Variants in PLEKHH2 observed in about 807,000 individuals in gnomAD.
The protein encoded by PLEKHH2 is pleckstrin homology, MyTH4 and FERM domain containing H2.
PLEKHH2 carries 129 observed loss-of-function variants against 187.9 expected under a neutral mutation model. That is an observed-to-expected ratio of 0.69 (90% CI 0.59 to 0.79). PLEKHH2 has a LOEUF of 0.79. Ranked by LOEUF, PLEKHH2 falls within the 30% of genes least tolerant of loss-of-function variation. The pLI, the probability that PLEKHH2 is intolerant of heterozygous loss-of-function variation, is 0.00. For synonymous variants in PLEKHH2, 686 were observed against 605.6 expected (o/e 1.13, Z -1.95); for missense variants, 2,076 against 1,751.2 (o/e 1.19, Z -3.31).
At chr2:43,657,257 G>T (rs1291654218) in intron 2 of PLEKHH2, among the ~76,000 whole-genome samples, 3 of 152,144 alleles carry the variant, frequency 2.0e-5, no homozygotes, top group Non-Finnish European at 4.4e-5. Flanking sequence ...TAGGTCTCCT[G>T]GCCTCCCATC....
rs745973897 is a variant in PLEKHH2, at chr2:43,706,333, A to C, written c.1738A>C (p.Thr580Pro). ...TTTTTCTGTTTCAGATTCTGCTGCA[A>C]CCCTTTCCTATACTACATCAGGACT... ...MESVNKNSAA[T>P]LSYTTSGLYT... The change falls in exon 10 of 30, where the codon ACC becomes CCC. Residue 580 changes from threonine to proline, a missense_variant. By Grantham distance (38) the Thr-to-Pro change is conservative. Transcript: ENST00000282406. 1 of 1,605,758 alleles carries C rather than the reference A, an allele frequency of 6.2e-7. No individual in the cohort carries two copies. Among genetic ancestry groups the C allele is most frequent in the South Asian group, 1.1e-5 (1 of 90,598 alleles).
chr2:43,656,863 C>CA (rs1666796114), intron 2 of PLEKHH2, among the ~76,000 whole-genome samples: 1 of 151,864 alleles, frequency 6.6e-6, no homozygotes, highest in South Asian at 2.1e-4. Flanking sequence ...ACTAAAAATA[C>CA]AAAAAATTAG....
Position 43,692,657 on chromosome 2 carries a change from A to G in PLEKHH2, c.330A>G (p.Glu110=). Reference sequence around the variant, plus strand: ...TTCAAAACTTGGAATTGCAACTTGAAGAGCAGGTTAGGAAGAATTTGATAA... The same window carrying G: ...TTCAAAACTTGGAATTGCAACTTGAGGAGCAGGTTAGGAAGAATTTGATAA... The part of the protein sequence containing the change: ...DVIQNLELQL[E]EQKQIRIQEA... The change falls in exon 4 of 30, where the codon GAA becomes GAG. Residue 110 remains glutamate (E), a synonymous_variant. Coordinates refer to ENST00000282406, the MANE Select transcript of PLEKHH2 (RefSeq NM_172069.4). The G allele has an allele frequency of 1.2e-6, 2 of 1,613,022 alleles. No homozygotes were observed. The highest frequency in any genetic ancestry group is 2.2e-5 in the East Asian group (1 of 44,770).
rs188934837 is a variant in PLEKHH2, at chr2:43,743,174, A to G, written c.3399+256A>G. Among the ~76,000 whole-genome samples, 129 of 152,318 alleles carry G rather than the reference A, an allele frequency of 8.5e-4. 2 individuals are homozygous for G. In the Middle Eastern group the frequency reaches 0.024, roughly 28 times the overall value. On this transcript the variant is annotated intron_variant, in intron 22 of 29. Transcript: ENST00000282406. The stretch of plus-strand genomic sequence containing the variant: ...TGATTCTGATGGACAGAAAAATAAA[A>G]AACACTTCGGTTGGGGCTTTTTCCC...
chr2:43,750,571 T>C lies in PLEKHH2; in HGVS notation c.3654-3048T>C, dbSNP rs150326788. On this transcript the variant is annotated intron_variant, in intron 24 of 29. Transcript: ENST00000282406. ...GTACTCCTACTACTACTAACCCTCA[T>C]TTGTTGAACATTTACCTAACATCAG... Among the ~76,000 whole-genome samples, 3 of 152,252 alleles carry C rather than the reference T, an allele frequency of 2.0e-5. No individual in the cohort carries two copies. The East Asian group carries it at 5.8e-4, about 29-fold the overall frequency.
At chr2:43,723,219 G>T (rs976404008) in intron 16 of PLEKHH2, among the ~76,000 whole-genome samples, 1 of 152,114 alleles carries the variant, frequency 6.6e-6, no homozygotes, top group African/African-American at 2.4e-5. Flanking sequence ...TTGCTTTTTA[G>T]GAGAGGCGAA....
intron 24 of PLEKHH2, among the ~76,000 whole-genome samples, chr2:43,752,919 T>A (rs1045658146): frequency 2.6e-5 from 4 of 152,226 alleles, no homozygotes; most frequent in Middle Eastern, 3.2e-3. Context: ...TATCAGATTG[T>A]GGCCAAAAAG....
At chr2:43,696,613 A>T (rs1042654051) in intron 6 of PLEKHH2, among the ~76,000 whole-genome samples, 2 of 151,994 alleles carry the variant, frequency 1.3e-5, no homozygotes, top group African/African-American at 4.8e-5. Flanking sequence ...GAAGTGATTA[A>T]AGCTCTTTAT....
At chr2:43,654,709 C>G (rs1037377327) in intron 2 of PLEKHH2, among the ~76,000 whole-genome samples, 8 of 39,128 alleles carry the variant, frequency 2.0e-4, no homozygotes, top group South Asian at 9.5e-4. Flanking sequence ...AAGACACCCC[C>G]CCCCCCCGCA....
At position 43,766,055 on chromosome 2, in the gene PLEKHH2, T is replaced by C. The variant is rs1672609730; in HGVS notation, c.*457T>C. ...TGCGCTTTTAATTAATGATATAGTG[T>C]TTGGAAAGGAGTAGAACATGCAGCA... On this transcript the variant is annotated 3_prime_UTR_variant, in exon 30 of 30. Coordinates refer to ENST00000282406, the MANE Select transcript of PLEKHH2 (RefSeq NM_172069.4). 6.5e-6 allele frequency: 1 copy of C among 154,832 alleles called. No individual in the cohort carries two copies. The highest frequency in any genetic ancestry group is 6.4e-5 in the Admixed American group (1 of 15,740). 9.6% of individuals were successfully genotyped at this position (154,832 alleles called of 1,614,324 possible).
In PLEKHH2 at chr2:43,736,828, A is replaced by C. The variant is rs1469014255; in HGVS notation, c.2944-1513A>C. Among the ~76,000 whole-genome samples, 3 of 152,102 alleles carry C rather than the reference A, an allele frequency of 2.0e-5. No homozygotes were observed. The East Asian group carries it at 5.8e-4, about 29-fold the overall frequency. On this transcript the variant is annotated intron_variant, in intron 19 of 29. Coordinates refer to ENST00000282406, the MANE Select transcript of PLEKHH2 (RefSeq NM_172069.4). ...AGAGCAAGACTCCGTCTAAAAAATA[A>C]ATAAATCAATCAATCACAGGGCTGA... is the stretch of plus-strand genomic sequence containing the variant.
chr2:43,739,273 T>C (rs1288968072), intron 20 of PLEKHH2, among the ~76,000 whole-genome samples: 2 of 152,228 alleles, frequency 1.3e-5, no homozygotes, highest in African/African-American at 4.8e-5. Context: ...CAACATTCAG[T>C]ATATTTTAAA....
chr2:43,680,554 T>C (rs1330473551), intron 3 of PLEKHH2: 1 of 156,486 alleles, frequency 6.4e-6, no homozygotes, highest in African/African-American at 2.4e-5. Context: ...TTTTCCTTTT[T>C]AATTTTTATT....
At chr2:43,689,646 G>C (rs1668698325) in intron 3 of PLEKHH2, among the ~76,000 whole-genome samples, 1 of 152,170 alleles carries the variant, frequency 6.6e-6, no homozygotes, top group African/African-American at 2.4e-5. Flanking sequence ...AGGATCAGTT[G>C]GTAAGTAGGT....
chr2:43,695,048 G>T (rs925240821), intron 5 of PLEKHH2, 95 bp from the exon 6 acceptor site: 1 of 621,970 alleles, frequency 1.6e-6, no homozygotes, highest in African/African-American at 1.9e-5. Flanking sequence ...CACATGTAGA[G>T]AAACTAAATA....
intron 3 of PLEKHH2, chr2:43,680,693 C>A: frequency 5.0e-6 from 2 of 402,198 alleles, no homozygotes; most frequent in South Asian, 4.2e-5. Context: ...AAATTGAAGT[C>A]AAGTAAGCCT....
chr2:43,725,531 A>G (rs886665639), intron 16 of PLEKHH2, among the ~76,000 whole-genome samples: 6 of 152,196 alleles, frequency 3.9e-5, no homozygotes, highest in Admixed American at 6.5e-5. Context: ...GCCTGGGGTT[A>G]GAAAAGGAGC....
In PLEKHH2 at chr2:43,659,038, T is replaced by A. The variant is rs1666934314; in HGVS notation, c.123+14242T>A. Among the ~76,000 whole-genome samples, 4 of 149,950 alleles carry A rather than the reference T, an allele frequency of 2.7e-5. No homozygotes were observed. The South Asian group carries it at 8.4e-4, about 32-fold the overall frequency. On this transcript the variant is annotated intron_variant, in intron 2 of 29. Coordinates refer to ENST00000282406, the MANE Select transcript of PLEKHH2 (RefSeq NM_172069.4). ...CCTAGGCCTGAGTGCAGTGACTTGATCTCATCTCACTGCAGCCTTGACCTC... is the reference window on the plus strand; with the variant it reads ...CCTAGGCCTGAGTGCAGTGACTTGAACTCATCTCACTGCAGCCTTGACCTC...
In PLEKHH2 at chr2:43,731,490, C is replaced by A. The variant is rs775255513; in HGVS notation, c.2831C>A (p.Ser944Tyr). ...CKLLNIDGEP[S>Y]SQIWRHPTLC... The stretch of plus-strand genomic sequence containing the variant: ...TGTTCATATTTTATTCTGCATTTAG[C>A]CTCTCAGATATGGAGACACCCCACT... Residue 944 changes from serine to tyrosine, a missense_variant and splice_region_variant, in exon 19 of 30, where the codon TCC becomes TAC. Physicochemically the swap from Ser to Tyr is moderately radical, Grantham distance 144 (BLOSUM62 -2). Coordinates refer to ENST00000282406, the MANE Select transcript of PLEKHH2 (RefSeq NM_172069.4). 3 of 1,551,584 alleles carry A rather than the reference C, an allele frequency of 1.9e-6. No individual in the cohort carries two copies. Among genetic ancestry groups the A allele is most frequent in the Non-Finnish European group, 1.8e-6 (2 of 1,126,140 alleles).
Sources: gnomAD v4.1 joint callset for allele counts (sites outside exome capture counted in the v4.1 genomes callset) on GRCh38, gnomAD v4.1.1 for gene constraint, MANE v1.5 for transcripts, NCBI Gene and HGNC (gene_info 2026-07-23, HGNC 2026-07-21) for gene names.